PHF21B: variants seen among roughly 807,000 people sequenced by gnomAD.
PHF21B encodes the protein PHD finger protein 4.
In PHF21B, 22 loss-of-function variants were observed where a neutral mutation model predicts 62.2. The ratio of observed to expected loss-of-function variants is 0.35; its 90% confidence interval spans 0.25 to 0.51. The LOEUF (loss-of-function observed/expected upper bound fraction) is 0.51. Ranked by LOEUF, PHF21B falls within the 20% of genes least tolerant of loss-of-function variation. The probability of loss-of-function intolerance (pLI) is 0.97; values close to 1 mark genes in which losing one functional copy is unlikely to be tolerated. For synonymous variants in PHF21B, 341 were observed against 314.7 expected (o/e 1.08, Z -0.88); for missense variants, 701 against 707.9 (o/e 0.99, Z 0.11).
intron 5 of PHF21B, among the ~76,000 whole-genome samples, chr22:44,910,438 C>T (rs190142465): frequency 1.3e-5 from 2 of 152,184 alleles, no homozygotes; most frequent in Non-Finnish European, 2.9e-5. Flanking sequence ...TGGTTGTGTC[C>T]CCATCCAAAT....
At chr22:44,897,509 G>A (rs1483156239) in intron 5 of PHF21B, among the ~76,000 whole-genome samples, 4 of 152,130 alleles carry the variant, frequency 2.6e-5, no homozygotes, top group Non-Finnish European at 5.9e-5. Flanking sequence ...CAGCCACCAC[G>A]CTGTAGGAAG....
At chr22:44,994,449 CAA>C (rs2073088489) in intron 2 of PHF21B, among the ~76,000 whole-genome samples, 1 of 152,240 alleles carries the variant, frequency 6.6e-6, no homozygotes, top group African/African-American at 2.4e-5. Context: ...CTGGCAGAAG[CAA>C]GAGAGGGGCC....
In PHF21B at chr22:44,882,432, TCAC is replaced by T. The variant is rs970007853; in HGVS notation, c.*651_*653del. Reference sequence around the variant, plus strand: ...CTGCAGCGTCCCGGCGCCCAGATGCTCACCTCCGACAGTGTCTTTCAAGTTAAA... The same window carrying T: ...CTGCAGCGTCCCGGCGCCCAGATGCTCTCCGACAGTGTCTTTCAAGTTAAA... On this transcript the variant is annotated 3_prime_UTR_variant, in exon 13 of 13. Coordinates refer to ENST00000313237, the MANE Select transcript of PHF21B (RefSeq NM_138415.5). 2 of 152,740 alleles carry T rather than the reference TCAC, an allele frequency of 1.3e-5. No homozygotes were observed. The highest frequency in any genetic ancestry group is 4.8e-5 in the African/African-American group (2 of 41,416). The allele number at this position is 152,740 out of a possible 1,614,324, so 9.5% of individuals were successfully genotyped here. A position where few individuals can be genotyped will look rare whatever the true frequency, so the allele number is the denominator to read the frequency against.
chr22:44,947,430 C>T (rs1211320158), intron 2 of PHF21B, among the ~76,000 whole-genome samples: 2 of 152,344 alleles, frequency 1.3e-5, no homozygotes, highest in East Asian at 3.9e-4. Flanking sequence ...TAAATCCTGG[C>T]CAGCGCCAGG....
Position 44,961,106 on chromosome 22 carries a change from G to A in PHF21B, c.121-40616C>T, listed in dbSNP as rs989752280. Among the ~76,000 whole-genome samples, 7 of 151,564 alleles carry A rather than the reference G, an allele frequency of 4.6e-5. No individual in the cohort carries two copies. The South Asian group carries it at 6.3e-4, about 14-fold the overall frequency. On this transcript the variant is annotated intron_variant, in intron 2 of 12. Coordinates refer to ENST00000313237, the MANE Select transcript of PHF21B (RefSeq NM_138415.5). Reference sequence around the variant, plus strand: ...CGAGTAGCTGGGATTACAGGTACGCGCCACCACACCCGGCTCATTTTTGTA... The same window carrying A: ...CGAGTAGCTGGGATTACAGGTACGCACCACCACACCCGGCTCATTTTTGTA...
chr22:44,902,547 G>A (rs540410104), intron 5 of PHF21B: 65 of 156,008 alleles, frequency 4.2e-4, no homozygotes, highest in Non-Finnish European at 7.8e-4. Flanking sequence ...TGTATCCATG[G>A]CCCTCTGTGT....
At chr22:44,938,078 A>G (rs1309983830) in intron 2 of PHF21B, among the ~76,000 whole-genome samples, 16 of 152,224 alleles carry the variant, frequency 1.1e-4, no homozygotes, top group Admixed American at 1.0e-3. Flanking sequence ...TTAAAAATCT[A>G]TGTATTTTAT....
At chr22:44,951,742 T>C (rs774354001) in intron 2 of PHF21B, among the ~76,000 whole-genome samples, 2 of 152,254 alleles carry the variant, frequency 1.3e-5, no homozygotes, top group Non-Finnish European at 2.9e-5. Context: ...TGGCTAATGC[T>C]GAACACCTTT....
Position 44,965,397 on chromosome 22 carries a change from G to A in PHF21B, c.120+43148C>T, listed in dbSNP as rs142017120. Among the ~76,000 whole-genome samples the A allele has an allele frequency of 8.5e-4, 130 of 152,114 alleles. 3 individuals carry two copies. In the East Asian group the frequency reaches 0.022, roughly 25 times the overall value. On this transcript the variant is annotated intron_variant, in intron 2 of 12. Coordinates refer to ENST00000313237, the MANE Select transcript of PHF21B (RefSeq NM_138415.5). ...ACACTAGCCACCTGCACCCAGTGGA[G>A]CTCACCATCTGTCCAGCCAGAACTC...
chr22:44,895,283 C>G (rs1185680408), intron 6 of PHF21B, among the ~76,000 whole-genome samples: 1 of 152,056 alleles, frequency 6.6e-6, no homozygotes, highest in African/African-American at 2.4e-5. Flanking sequence ...TCGAGGCTTC[C>G]CAGGCCCTAA....
At position 44,904,132 on chromosome 22, in the gene PHF21B, A is replaced by T. The variant is rs1451960768; in HGVS notation, c.832-8049T>A. Among the ~76,000 whole-genome samples the T allele has an allele frequency of 2.6e-5, 4 of 152,140 alleles. No individual in the cohort carries two copies. In the East Asian group the frequency reaches 7.7e-4, roughly 29 times the overall value. On this transcript the variant is annotated intron_variant, in intron 5 of 12. Coordinates refer to ENST00000313237, the MANE Select transcript of PHF21B (RefSeq NM_138415.5). ...ATGTTTTGAGCATATGTTTCTAACT[A>T]TACACTTTTCTAATAAAGGCTGGAG...
At chr22:44,905,175 C>A (rs901136206) in intron 5 of PHF21B, among the ~76,000 whole-genome samples, 1 of 152,216 alleles carries the variant, frequency 6.6e-6, no homozygotes, top group African/African-American at 2.4e-5. Flanking sequence ...CTGCTGAAAG[C>A]CCCATGAGGT....
chr22:44,944,814 G>A (rs1464668151), intron 2 of PHF21B, among the ~76,000 whole-genome samples: 2 of 128,760 alleles, frequency 1.6e-5, no homozygotes, highest in Non-Finnish European at 3.3e-5. Context: ...CCCATCGCAT[G>A]GGTTCAGAAG....
chr22:44,891,505 G>T, intron 7 of PHF21B, 145 bp from the exon 8 acceptor site: 1 of 882,572 alleles, frequency 1.1e-6, no homozygotes, highest in Non-Finnish European at 1.8e-6. Context: ...GCCAGGGGCA[G>T]AAATAGGAAC....
chr22:44,953,192 G>A (rs2072228242), intron 2 of PHF21B, among the ~76,000 whole-genome samples: 1 of 152,202 alleles, frequency 6.6e-6, no homozygotes, highest in South Asian at 2.1e-4. Context: ...CGCAGCTGGG[G>A]CAGAAATGGC....
chr22:44,912,942 T>C (rs1338376405), intron 5 of PHF21B, among the ~76,000 whole-genome samples: 1 of 129,414 alleles, frequency 7.7e-6, no homozygotes. Context: ...GTGGGAAGGG[T>C]TGAATGGAAA....
At chr22:45,006,947 C>A (rs1353696949) in intron 2 of PHF21B, among the ~76,000 whole-genome samples, 1 of 152,076 alleles carries the variant, frequency 6.6e-6, no homozygotes, top group East Asian at 1.9e-4. Context: ...CCGACCCCTC[C>A]CCCTCCAAAA....
At chr22:44,977,469 G>A (rs2072758744) in intron 2 of PHF21B, among the ~76,000 whole-genome samples, 1 of 152,052 alleles carries the variant, frequency 6.6e-6, no homozygotes, top group Non-Finnish European at 1.5e-5. Flanking sequence ...GGAGGCTGAG[G>A]CAGGAGAATC....
intron 2 of PHF21B, among the ~76,000 whole-genome samples, chr22:44,969,396 T>C (rs2072593898): frequency 1.3e-5 from 2 of 152,166 alleles, no homozygotes; most frequent in Non-Finnish European, 2.9e-5. Flanking sequence ...CCGGGCACGG[T>C]GGCTCGCACC....
Sources: allele counts gnomAD v4.1 joint callset (sites outside exome capture counted in the v4.1 genomes callset), GRCh38; gene constraint gnomAD v4.1.1; transcripts MANE v1.5; gene names NCBI Gene and HGNC (gene_info 2026-07-23, HGNC 2026-07-21).